Variants in HERC4 observed in about 807,000 individuals in gnomAD.
The protein encoded by HERC4 is HECT and RLD domain containing E3 ubiquitin protein ligase 4, also known as probable E3 ubiquitin-protein ligase HERC4.
HERC4 carries 28 observed loss-of-function variants against 124.3 expected under a neutral mutation model. The observed-to-expected ratio is 0.23, with a 90% confidence interval of 0.17 to 0.31. HERC4 has a LOEUF of 0.31. HERC4 is among the 10% of genes least tolerant of loss of function. The probability of loss-of-function intolerance (pLI) is 1.00; values close to 1 mark genes in which losing one functional copy is unlikely to be tolerated. For missense variants in HERC4, 713 were observed against 1,229.3 expected, an observed-to-expected ratio of 0.58 and a Z score of 6.28; for synonymous variants, 407 against 421.5, an observed-to-expected ratio of 0.97 and a Z score of 0.42.
At chr10:67,925,397 G>T (rs1425455118) in intron 23 of HERC4, among the ~76,000 whole-genome samples, 1 of 152,062 alleles carries the variant, frequency 6.6e-6, no homozygotes, top group Non-Finnish European at 1.5e-5. Context: ...GCACTTCAAA[G>T]AACATGATAG....
chr10:68,040,047 G>A (rs2039681923), intron 4 of HERC4: 1 of 735,832 alleles, frequency 1.4e-6, no homozygotes, highest in Admixed American at 6.2e-5. Flanking sequence ...TTATACCCAT[G>A]ATAATGCCTG....
At chr10:68,043,390 A>G (rs1336672372) in intron 4 of HERC4, among the ~76,000 whole-genome samples, 1 of 152,236 alleles carries the variant, frequency 6.6e-6, no homozygotes, top group East Asian at 1.9e-4. Flanking sequence ...AAGAGTTTAA[A>G]GAGGTCAGAA....
chr10:68,072,757 A>G (rs1395079057), intron 3 of HERC4, 126 bp downstream of exon 3: 16 of 628,454 alleles, frequency 2.5e-5, no homozygotes, highest in Middle Eastern at 4.3e-4. Context: ...ATGGAAATAC[A>G]TAACTTCTAC....
At chr10:68,020,909 T>C (rs1053437443) in intron 8 of HERC4, among the ~76,000 whole-genome samples, 2 of 152,040 alleles carry the variant, frequency 1.3e-5, no homozygotes, top group African/African-American at 4.8e-5. Context: ...TTATTGAGTC[T>C]GTGGAACAGA....
chr10:68,036,460 C>T (rs1159033773), intron 5 of HERC4, among the ~76,000 whole-genome samples: 2 of 152,096 alleles, frequency 1.3e-5, no homozygotes, highest in Non-Finnish European at 2.9e-5. Flanking sequence ...ATCCACCTAC[C>T]AAAATATCAA....
At chr10:67,961,414 C>G (rs1303395887) in intron 16 of HERC4, 1 of 152,256 alleles carries the variant, frequency 6.6e-6, no homozygotes, top group Non-Finnish European at 1.5e-5. Flanking sequence ...GTAGATTAAC[C>G]ACTTCTTTGC....
At chr10:67,977,383 C>G (rs2035657999) in intron 15 of HERC4, among the ~76,000 whole-genome samples, 1 of 152,048 alleles carries the variant, frequency 6.6e-6, no homozygotes, top group Non-Finnish European at 1.5e-5. Context: ...CTGAAGAGCC[C>G]TTGGGTCCCT....
intron 16 of HERC4, among the ~76,000 whole-genome samples, chr10:67,963,908 G>A (rs943317484): frequency 1.3e-5 from 2 of 152,146 alleles, no homozygotes; most frequent in African/African-American, 2.4e-5. Context: ...AAGTCTTGCT[G>A]AGGGAAGGTT....
intron 15 of HERC4, among the ~76,000 whole-genome samples, chr10:67,970,719 T>C (rs1163432151): frequency 6.6e-6 from 1 of 151,982 alleles, no homozygotes; most frequent in Non-Finnish European, 1.5e-5. Flanking sequence ...GGAAAATATT[T>C]TGAACTTAAA....
At chr10:67,943,989 A>T (rs2033127688) in intron 19 of HERC4, among the ~76,000 whole-genome samples, 2 of 152,228 alleles carry the variant, frequency 1.3e-5, no homozygotes, top group South Asian at 4.1e-4. Context: ...GCTCTCAGAC[A>T]GCATTTCTGG....
chr10:67,985,693 C>A (rs2036221032), intron 15 of HERC4, among the ~76,000 whole-genome samples: 1 of 152,138 alleles, frequency 6.6e-6, no homozygotes, highest in Admixed American at 6.6e-5. Context: ...ACTAAATAAC[C>A]CAATTATTTG....
At chr10:68,056,626 G>T (rs1460097759) in intron 3 of HERC4, among the ~76,000 whole-genome samples, 2 of 152,126 alleles carry the variant, frequency 1.3e-5, no homozygotes, top group East Asian at 3.9e-4. Context: ...TCAAGACAGA[G>T]AAACTGAAAT....
In HERC4 at chr10:68,032,788, G is replaced by A. The variant is rs1460277271; in HGVS notation, c.767C>T (p.Ala256Val). The A allele has an allele frequency of 1.1e-5, 17 of 1,548,432 alleles. No individual in the cohort carries two copies. Among genetic ancestry groups the A allele is most frequent in the Non-Finnish European group, 1.4e-5 (16 of 1,120,732 alleles). ...YICCGEDHTA[A>V]LTKEGGVFTF... ...TTAGAAGTACAATACCTTGGTTAGAGCAGCAGTATGATCTTCTCCACAACA... is the reference window on the plus strand; with the variant it reads ...TTAGAAGTACAATACCTTGGTTAGAACAGCAGTATGATCTTCTCCACAACA... Residue 256 changes from alanine (A) to valine (V), a missense_variant, in exon 7 of 25, where the codon GCT (alanine) becomes GTT (valine). Ala to Val is a moderately conservative substitution (Grantham distance 64). Coordinates refer to ENST00000373700, the MANE Select transcript of HERC4 (RefSeq NM_015601.4).
intron 15 of HERC4, among the ~76,000 whole-genome samples, chr10:67,978,110 T>A (rs1381133408): frequency 6.6e-6 from 1 of 151,616 alleles, no homozygotes; most frequent in African/African-American, 2.4e-5. Flanking sequence ...ACCCCATCTC[T>A]ACTAAAAATA....
intron 15 of HERC4, among the ~76,000 whole-genome samples, chr10:67,986,810 T>C (rs2036287802): frequency 6.6e-6 from 1 of 152,148 alleles, no homozygotes; most frequent in African/African-American, 2.4e-5. Flanking sequence ...GTTAGAAATA[T>C]GATCTTTTTG....
intron 19 of HERC4, 52 bp from the exon 20 acceptor site, chr10:67,941,157 T>A: frequency 1.6e-6 from 2 of 1,263,834 alleles, no homozygotes; most frequent in Non-Finnish European, 2.2e-6. Context: ...AAATATTAAA[T>A]TTTCTAAGAT....
intron 7 of HERC4, among the ~76,000 whole-genome samples, chr10:68,026,730 C>G (rs1281378054): frequency 1.3e-5 from 2 of 152,062 alleles, no homozygotes; most frequent in East Asian, 3.9e-4. Flanking sequence ...GGAGTCCCAG[C>G]TACTTGGGAG....
intron 16 of HERC4, among the ~76,000 whole-genome samples, chr10:67,960,001 C>T (rs1220870324): frequency 6.6e-6 from 1 of 152,218 alleles, no homozygotes; most frequent in Non-Finnish European, 1.5e-5. Context: ...ACCTATAGAC[C>T]TGTGCAATAT....
intron 15 of HERC4, among the ~76,000 whole-genome samples, chr10:67,987,004 GT>G (rs1302231600): frequency 6.6e-5 from 10 of 152,144 alleles, no homozygotes; most frequent in African/African-American, 2.2e-4. Context: ...ACTATATAGG[GT>G]TTTAAAGTTA....
Sources: gnomAD v4.1 joint callset for allele counts (sites outside exome capture counted in the v4.1 genomes callset) on GRCh38, gnomAD v4.1.1 for gene constraint, MANE v1.5 for transcripts, NCBI Gene and HGNC (gene_info 2026-07-23, HGNC 2026-07-21) for gene names.